The following RITA1 variants were observed in gnomAD, a reference collection of about 807,000 sequenced individuals.
RITA1 encodes the protein RBPJ-interacting and tubulin-associated protein 1.
In RITA1, 15 loss-of-function variants were observed where a neutral mutation model predicts 8.7. The observed-to-expected ratio is 1.72, with a 90% confidence interval of 1.15 to 2.65. The LOEUF is 2.65. Among genes scored for constraint, RITA1 ranks in the 30% most tolerant of loss-of-function variants. RITA1 has a pLI of 0.00. For missense variants in RITA1, 330 were observed against 363.8 expected, an observed-to-expected ratio of 0.91 and a Z score of 0.76; for synonymous variants, 145 against 156.2, an observed-to-expected ratio of 0.93 and a Z score of 0.53.
chr12:113,186,602 G>A, intron 2 of RITA1, 81 bp from the exon 3 acceptor site: 2 of 1,447,144 alleles, frequency 1.4e-6, no homozygotes, highest in South Asian at 1.4e-5. Flanking sequence ...AAACCCTTGG[G>A]ATGAGAACTT....
rs1456505980 is a variant in RITA1 at position 113,185,893 on chromosome 12, T to G, written c.-325T>G. The G allele has an allele frequency of 2.8e-6, 4 of 1,415,866 alleles. No individual in the cohort carries two copies. Among genetic ancestry groups the G allele is most frequent in the Non-Finnish European group, 3.8e-6 (4 of 1,050,904 alleles). 87.7% of individuals were successfully genotyped at this position (1,415,866 alleles called of 1,614,324 possible). On this transcript the variant is annotated 5_prime_UTR_variant, in exon 1 of 4. Transcript: ENST00000548278. The stretch of plus-strand genomic sequence containing the variant: ...GTCCGGGGCCCCAGGCATTCCGGGC[T>G]GCAGATTGACGGGGATCCCGGATGC...
intron 3 of RITA1, 38 bp downstream of exon 3, chr12:113,187,086 C>T: frequency 2.0e-6 from 3 of 1,486,786 alleles, no homozygotes; most frequent in South Asian, 2.7e-5. Context: ...GTACTCAGTG[C>T]AGCCACCTGG....
intron 2 of RITA1, 50 bp downstream of exon 2, chr12:113,186,366 C>T: frequency 7.3e-7 from 1 of 1,370,688 alleles, no homozygotes; most frequent in Non-Finnish European, 9.4e-7. Flanking sequence ...CCCATCAGTA[C>T]ACATAGGAAA....
chr12:113,186,823 G>C lies in RITA1; in HGVS notation c.77G>C (p.Arg26Pro), dbSNP rs199689319. 4.3e-6 allele frequency: 7 copies of C among 1,613,784 alleles called. No homozygotes were observed. In the African/African-American group the frequency reaches 6.7e-5, roughly 15 times the overall value. ...GLQHRCRGGY[R>P]VKARTSYVDE... ...CAGCACCGCTGCCGAGGTGGCTACC[G>C]GGTCAAGGCCAGGACGTCATATGTG... is the stretch of plus-strand genomic sequence containing the variant. The change falls in exon 3 of 4, where the codon CGG becomes CCG. Residue 26 changes from arginine (R) to proline (P), a missense_variant. Coordinates refer to ENST00000548278, the MANE Select transcript of RITA1 (RefSeq NM_032848.3).
chr12:113,189,676 G>A (rs1952577834), intron 3 of RITA1, among the ~76,000 whole-genome samples: 1 of 150,558 alleles, frequency 6.6e-6, no homozygotes, highest in African/African-American at 2.4e-5. Flanking sequence ...TTTCAGTCCT[G>A]GCCAAAAAAA....
At chr12:113,186,109 G>T in intron 1 of RITA1, 76 bp from the exon 2 acceptor site, 2 of 1,522,000 alleles carry the variant, frequency 1.3e-6, no homozygotes, top group Non-Finnish European at 1.8e-6. Context: ...GGGCGGTGGG[G>T]GCGGCGGTGA....
Position 113,192,006 on chromosome 12 carries a change from C to A in RITA1, c.*189C>A. On this transcript the variant is annotated 3_prime_UTR_variant, in exon 4 of 4. Coordinates refer to ENST00000548278, the MANE Select transcript of RITA1 (RefSeq NM_032848.3). The stretch of plus-strand genomic sequence containing the variant: ...CTCTAGTCGATTCTTGCCTTTTTCT[C>A]CCGATTGCGGATTTGGGGGCCACCT... 1.3e-6 allele frequency: 1 copy of A among 772,172 alleles called. No homozygotes were observed. Among genetic ancestry groups the A allele is most frequent in the Non-Finnish European group, 2.0e-6 (1 of 508,764 alleles). 47.8% of individuals were successfully genotyped at this position (772,172 alleles called of 1,614,324 possible).
At chr12:113,188,089 C>A (rs1236066373) in intron 3 of RITA1, among the ~76,000 whole-genome samples, 2 of 152,034 alleles carry the variant, frequency 1.3e-5, no homozygotes, top group Non-Finnish European at 2.9e-5. Context: ...CGCTCTGTTG[C>A]CCAGGCTGGA....
chr12:113,189,339 T>C (rs1338444433), intron 3 of RITA1, among the ~76,000 whole-genome samples: 2 of 152,080 alleles, frequency 1.3e-5, no homozygotes, highest in Non-Finnish European at 2.9e-5. Flanking sequence ...GCCAGTTCTG[T>C]AGACAAGGCA....
In RITA1 at chr12:113,191,908, G is replaced by A. The variant is rs1000200284; in HGVS notation, c.*91G>A. 2.6e-5 allele frequency: 39 copies of A among 1,481,416 alleles called. No homozygotes were observed. Among genetic ancestry groups the A allele is most frequent in the Non-Finnish European group, 3.4e-5 (38 of 1,106,024 alleles). The allele number at this position is 1,481,416 out of a possible 1,614,324, so 91.8% of individuals were successfully genotyped here. A position where few individuals can be genotyped will look rare whatever the true frequency, so the allele number is the denominator to read the frequency against. ...GACATTCATCACCCAGGGAACCCCA[G>A]GTATTAAAGAAGCCCCTGTGGGGGC... On this transcript the variant is annotated 3_prime_UTR_variant, in exon 4 of 4. Coordinates refer to ENST00000548278, the MANE Select transcript of RITA1 (RefSeq NM_032848.3). This position sits in a 1 kb window ranked among gnomAD's most constrained non-coding sequence, Gnocchi z 4.0.
intron 3 of RITA1, among the ~76,000 whole-genome samples, chr12:113,189,199 C>T (rs1952574207): frequency 6.6e-6 from 1 of 152,004 alleles, no homozygotes; most frequent in Non-Finnish European, 1.5e-5. Context: ...TTTGGGTGGG[C>T]ACAATTCAGT....
chr12:113,185,979 C>T lies in RITA1; in HGVS notation c.-239C>T. ...ACCTGGTGGGAAGAAGGTGCGGGGA[C>T]GGGTCCCTGAGGATCCCGATGCCTA... On this transcript the variant is annotated 5_prime_UTR_variant, in exon 1 of 4. It adds an upstream start codon to the 5' untranslated region. Transcript: ENST00000548278. 6.5e-7 allele frequency: 1 copy of T among 1,535,306 alleles called. No individual in the cohort carries two copies. Among genetic ancestry groups the T allele is most frequent in the Non-Finnish European group, 8.7e-7 (1 of 1,146,460 alleles).
At chr12:113,186,357 C>T in intron 2 of RITA1, 41 bp downstream of exon 2, 1 of 1,369,966 alleles carries the variant, frequency 7.3e-7, no homozygotes, top group East Asian at 2.8e-5. Flanking sequence ...GCCCCCACCC[C>T]CATCAGTACA....
chr12:113,186,791 C>A lies in RITA1; in HGVS notation c.45C>A (p.Leu15=). The A allele has an allele frequency of 6.2e-7, 1 of 1,613,702 alleles. No individual in the cohort carries two copies. The highest frequency in any genetic ancestry group is 8.5e-7 in the Non-Finnish European group (1 of 1,179,976). Residue 15 remains leucine, a synonymous_variant, in exon 3 of 4, where the codon CTC becomes CTA. Transcript: ENST00000548278. ...VELAVSGMQT[L]GLQHRCRGGY... ...TGGCCGTCAGTGGGATGCAGACCCT[C>A]GGCCTTCAGCACCGCTGCCGAGGTG... is the stretch of plus-strand genomic sequence containing the variant.
intron 3 of RITA1, among the ~76,000 whole-genome samples, chr12:113,187,834 G>A (rs1280933076): frequency 6.6e-6 from 1 of 151,470 alleles, no homozygotes; most frequent in Admixed American, 6.6e-5. Flanking sequence ...AGGAACTAAT[G>A]CAAATTGTTA....
At position 113,191,896 on chromosome 12, in the gene RITA1, C is replaced by T; in HGVS notation, c.*79C>T. On this transcript the variant is annotated 3_prime_UTR_variant, in exon 4 of 4. Coordinates refer to ENST00000548278, the MANE Select transcript of RITA1 (RefSeq NM_032848.3). The surrounding 1 kb of genome is among the most constrained non-coding windows in gnomAD (Gnocchi z 4.0). ...CCAGGGTAGGAGGACATTCATCACC[C>T]AGGGAACCCCAGGTATTAAAGAAGC... is the stretch of plus-strand genomic sequence containing the variant. The T allele has an allele frequency of 6.7e-7, 1 of 1,495,236 alleles. No individual in the cohort carries two copies. Among genetic ancestry groups the T allele is most frequent in the African/African-American group, 1.4e-5 (1 of 71,318 alleles). 92.6% of individuals were successfully genotyped at this position (1,495,236 alleles called of 1,614,324 possible). A position where few individuals can be genotyped will look rare whatever the true frequency, so the allele number is the denominator to read the frequency against.
chr12:113,186,002 C>T lies in RITA1; in HGVS notation c.-216C>T, dbSNP rs1325605910. The T allele has an allele frequency of 2.0e-6, 3 of 1,535,870 alleles. No individual in the cohort carries two copies. In the East Asian group the frequency reaches 7.3e-5, roughly 38 times the overall value. On this transcript the variant is annotated 5_prime_UTR_variant, in exon 1 of 4. Transcript: ENST00000548278. Reference sequence around the variant, plus strand: ...GACGGGTCCCTGAGGATCCCGATGCCTACGAGCCAAGATGCTCAGGTAGGA... The same window carrying T: ...GACGGGTCCCTGAGGATCCCGATGCTTACGAGCCAAGATGCTCAGGTAGGA...
At position 113,186,878 on chromosome 12, in the gene RITA1, C is replaced by T; in HGVS notation, c.132C>T (p.Gly44=). 1 of 1,614,048 alleles carries T rather than the reference C, an allele frequency of 6.2e-7. No homozygotes were observed. The highest frequency in any genetic ancestry group is 8.5e-7 in the Non-Finnish European group (1 of 1,180,004). ...AGACTCTGTTTGGCAGCCCAGCAGG[C>T]ACCCGGCCTACCCCACCGGACTTCG... ...VDETLFGSPA[G]TRPTPPDFDP... The change falls in exon 3 of 4, where the codon GGC becomes GGT. Residue 44 remains glycine (G), a synonymous_variant. Coordinates refer to ENST00000548278, the MANE Select transcript of RITA1 (RefSeq NM_032848.3).
chr12:113,192,041 C>T lies in RITA1; in HGVS notation c.*224C>T. 1 of 590,372 alleles carries T rather than the reference C, an allele frequency of 1.7e-6. No individual in the cohort carries two copies. Among genetic ancestry groups the T allele is most frequent in the Non-Finnish European group, 2.9e-6 (1 of 346,892 alleles). The allele number at this position is 590,372 out of a possible 1,614,324, so 36.6% of individuals were successfully genotyped here. A position where few individuals can be genotyped will look rare whatever the true frequency, so the allele number is the denominator to read the frequency against. ...GATTTGGGGGCCACCTCTAAGATGC[C>T]TCTCTCCAGCCCTGTCTCAACCATA... On this transcript the variant is annotated 3_prime_UTR_variant, in exon 4 of 4. Transcript: ENST00000548278.
Sources: allele counts gnomAD v4.1 joint callset (sites outside exome capture counted in the v4.1 genomes callset), GRCh38; gene constraint gnomAD v4.1.1; non-coding constraint Gnocchi (gnomAD v3.1); transcripts MANE v1.5; gene names NCBI Gene and HGNC (gene_info 2026-07-23, HGNC 2026-07-21).